The following FRMD5 variants were observed in gnomAD, a reference collection of about 807,000 sequenced individuals.
The protein encoded by FRMD5 is FERM domain containing 5, also known as FERM domain-containing protein 5.
FRMD5 carries 20 observed loss-of-function variants against 69.0 expected under a neutral mutation model. The ratio of observed to expected loss-of-function variants is 0.29; its 90% CI spans 0.20 to 0.42. The LOEUF is 0.42. FRMD5 is among the 10% of genes least tolerant of loss of function. The pLI is 1.00. For synonymous variants in FRMD5, 271 were observed against 260.1 expected (o/e 1.04, Z -0.40); for missense variants, 595 against 708.6 (o/e 0.84, Z 1.82).
chr15:44,006,890 A>G (rs1197653787), intron 1 of FRMD5, among the ~76,000 whole-genome samples: 1 of 152,242 alleles, frequency 6.6e-6, no homozygotes, highest in Non-Finnish European at 1.5e-5. Context: ...TTAGTTGATA[A>G]AGCAGTGGCA....
At chr15:44,089,665 T>C (rs1015458742) in intron 1 of FRMD5, among the ~76,000 whole-genome samples, 4 of 152,042 alleles carry the variant, frequency 2.6e-5, no homozygotes, top group African/African-American at 9.7e-5. Context: ...GTCATGCCAC[T>C]ACAATCCAGC....
intron 1 of FRMD5, among the ~76,000 whole-genome samples, chr15:44,059,747 C>T (rs535525659): frequency 1.3e-5 from 2 of 152,122 alleles, no homozygotes; most frequent in African/African-American, 4.8e-5. Flanking sequence ...TATCTCCTGA[C>T]CTCGTGATCC....
At chr15:43,990,774 T>C (rs908455773) in intron 1 of FRMD5, among the ~76,000 whole-genome samples, 2 of 152,088 alleles carry the variant, frequency 1.3e-5, no homozygotes, top group Non-Finnish European at 2.9e-5. Flanking sequence ...AAACTGGCCA[T>C]AGAAAAACTG....
chr15:44,016,908 T>C (rs1404228016), intron 1 of FRMD5, among the ~76,000 whole-genome samples: 1 of 151,366 alleles, frequency 6.6e-6, no homozygotes, highest in Non-Finnish European at 1.5e-5. Context: ...GCCTCCCGAG[T>C]AGCTAGGACT....
chr15:44,127,957 C>A (rs553507133), intron 1 of FRMD5, among the ~76,000 whole-genome samples: 4 of 152,296 alleles, frequency 2.6e-5, no homozygotes, highest in Admixed American at 2.6e-4. Flanking sequence ...GCAGCTGTAG[C>A]AATCTGGCTT....
intron 1 of FRMD5, among the ~76,000 whole-genome samples, chr15:43,999,815 T>C (rs777537428): frequency 4.0e-5 from 6 of 151,008 alleles, no homozygotes; most frequent in East Asian, 2.0e-4. Flanking sequence ...TATCTATATA[T>C]GTGAATACAC....
intron 1 of FRMD5, among the ~76,000 whole-genome samples, chr15:44,109,417 A>G (rs910350946): frequency 6.6e-6 from 1 of 151,974 alleles, no homozygotes; most frequent in Non-Finnish European, 1.5e-5. Context: ...CTGGTTTGCA[A>G]GGTTTCTTTC....
chr15:43,945,204 C>T (rs1330510433), intron 1 of FRMD5, among the ~76,000 whole-genome samples: 1 of 152,186 alleles, frequency 6.6e-6, no homozygotes, highest in Admixed American at 6.5e-5. Context: ...CTACACTACC[C>T]TGCCTACTTT....
intron 2 of FRMD5, 113 bp downstream of exon 2, chr15:43,924,092 G>T: frequency 1.2e-6 from 1 of 808,662 alleles, no homozygotes; most frequent in Non-Finnish European, 2.2e-6. Flanking sequence ...CCAACTGCAG[G>T]GTCTGGTTGG....
At chr15:43,924,172 T>G (rs1227344848) in intron 2 of FRMD5, 33 bp downstream of exon 2, 1 of 1,480,454 alleles carries the variant, frequency 6.8e-7, no homozygotes. Context: ...TGACTAGCCC[T>G]GTCCTCCTTT....
chr15:43,969,507 C>T (rs2140570437), intron 1 of FRMD5, among the ~76,000 whole-genome samples: 1 of 152,304 alleles, frequency 6.6e-6, no homozygotes, highest in East Asian at 1.9e-4. Context: ...TGCTTCTGAG[C>T]ATATAATAAT....
At chr15:43,886,669 G>C (rs2088670980) in intron 10 of FRMD5, among the ~76,000 whole-genome samples, 1 of 152,196 alleles carries the variant, frequency 6.6e-6, no homozygotes. Flanking sequence ...TCCATGAACA[G>C]TTCTTGGGAG....
intron 7 of FRMD5, among the ~76,000 whole-genome samples, chr15:43,894,352 AAG>A (rs1264860552): frequency 1.3e-5 from 2 of 152,024 alleles, no homozygotes; most frequent in Non-Finnish European, 2.9e-5. Flanking sequence ...CTTAGAAAGA[AAG>A]AGACTGGGAG....
chr15:44,131,172 C>A (rs1461906017), intron 1 of FRMD5, among the ~76,000 whole-genome samples: 1 of 152,026 alleles, frequency 6.6e-6, no homozygotes, highest in Admixed American at 6.6e-5. Flanking sequence ...AGAAGATCTA[C>A]AAATAGCCAA....
At chr15:44,094,983 CTGGACCCCTA>C (rs2076529909) in intron 1 of FRMD5, among the ~76,000 whole-genome samples, 1 of 152,030 alleles carries the variant, frequency 6.6e-6, no homozygotes, top group African/African-American at 2.4e-5. Context: ...GCATTACTCA[CTGGACCCCTA>C]GGGAGCCAGC....
At chr15:44,131,844 C>T (rs981396559) in intron 1 of FRMD5, among the ~76,000 whole-genome samples, 2 of 36,902 alleles carry the variant, frequency 5.4e-5, no homozygotes, top group Non-Finnish European at 2.0e-4. Flanking sequence ...TTTTTGACAC[C>T]AGGGACTGGT....
At chr15:43,876,759 T>C (rs1422191514) in intron 13 of FRMD5, among the ~76,000 whole-genome samples, 5 of 152,168 alleles carry the variant, frequency 3.3e-5, no homozygotes, top group African/African-American at 4.8e-5. Context: ...ATGGGAGTAG[T>C]CCCTGGCCAG....
At chr15:44,019,645 G>T (rs913672341) in intron 1 of FRMD5, among the ~76,000 whole-genome samples, 17 of 147,024 alleles carry the variant, frequency 1.2e-4, no homozygotes, top group African/African-American at 4.3e-4. Flanking sequence ...GCTGAGGCAG[G>T]ACAATCGCCT....
At chr15:43,919,838 C>A in intron 2 of FRMD5, 29 bp from the exon 3 acceptor site, 1 of 1,604,742 alleles carries the variant, frequency 6.2e-7, no homozygotes, top group East Asian at 2.2e-5. Context: ...AACATGAAAA[C>A]CCTAATGAGA....
Sources: gnomAD v4.1 joint callset for allele counts (sites outside exome capture counted in the v4.1 genomes callset) on GRCh38, gnomAD v4.1.1 for gene constraint, MANE v1.5 for transcripts, NCBI Gene and HGNC (gene_info 2026-07-23, HGNC 2026-07-21) for gene names.